Variants in ZNF831 observed in about 807,000 individuals in gnomAD.
ZNF831 encodes the protein zinc finger protein 831.
Under a neutral mutation model 95.8 loss-of-function variants are expected in ZNF831, and 59 were observed. The ratio of observed to expected loss-of-function variants is 0.62; its 90% confidence interval spans 0.50 to 0.77. The LOEUF is 0.77. ZNF831 is among the 30% of genes least tolerant of loss of function. ZNF831 has a pLI of 0.00. For synonymous variants in ZNF831, 961 were observed against 925.5 expected (o/e 1.04, Z -0.70); for missense variants, 2,205 against 2,164.0 (o/e 1.02, Z -0.38).
At chr20:59,187,656 A>G (rs1397511418) in intron 1 of ZNF831, among the ~76,000 whole-genome samples, 1 of 152,246 alleles carries the variant, frequency 6.6e-6, no homozygotes, top group Non-Finnish European at 1.5e-5. Context: ...TTCACATAAC[A>G]TTAAATTCAC....
chr20:59,153,140 C>A lies in ZNF831; in HGVS notation c.-1280-6512C>A, dbSNP rs548998739. Among the ~76,000 whole-genome samples, 9 of 152,348 alleles carry A rather than the reference C, an allele frequency of 5.9e-5. 1 individual carries two copies. The Middle Eastern group carries it at 0.014, about 230-fold the overall frequency. ...ACAGACTCAACAACTCACTCTTTCC[C>A]ACCTGAGCAGTGTCTCATACAGTCC... is the stretch of plus-strand genomic sequence containing the variant. On this transcript the variant is annotated intron_variant, in intron 2 of 7. Coordinates refer to the ZNF831 transcript ENST00000637017.
chr20:59,187,481 C>A (rs1481424661), intron 1 of ZNF831, among the ~76,000 whole-genome samples: 1 of 152,148 alleles, frequency 6.6e-6, no homozygotes, highest in African/African-American at 2.4e-5. Flanking sequence ...AACTTCCCGT[C>A]TCCAGAGCTG....
At chr20:59,225,660 C>T (rs1416505179) in intron 4 of ZNF831, among the ~76,000 whole-genome samples, 2 of 152,234 alleles carry the variant, frequency 1.3e-5, no homozygotes, top group East Asian at 3.9e-4. Context: ...TTAAGTCTGT[C>T]ATTAGATGAC....
At position 59,258,064 on chromosome 20, in the gene ZNF831, G is replaced by T. The variant is rs1988262564; in HGVS notation, c.*3321G>T. 6.6e-6 allele frequency: 1 copy of T among 152,102 alleles called. No homozygotes were observed. Among genetic ancestry groups the T allele is most frequent in the African/African-American group, 2.4e-5 (1 of 41,390 alleles). 9.4% of individuals were successfully genotyped at this position (152,102 alleles called of 1,614,324 possible). A position where few individuals can be genotyped will look rare whatever the true frequency, so the allele number is the denominator to read the frequency against. ...TTCTTGTAAAACACATTGAAAAACA[G>T]CTCATCTCTCCTGTTAGGCTTAACC... is the stretch of plus-strand genomic sequence containing the variant. On this transcript the variant is annotated 3_prime_UTR_variant, in exon 6 of 6. Transcript: ENST00000371030.
At chr20:59,226,533 G>A (rs377745039) in intron 4 of ZNF831, among the ~76,000 whole-genome samples, 50 of 151,676 alleles carry the variant, frequency 3.3e-4, no homozygotes, top group African/African-American at 8.2e-4. Context: ...GCTCTTTCTC[G>A]TTCATGCCCG....
rs543860497 is a variant in ZNF831, at chr20:59,254,470, G to A, written c.4761G>A (p.Lys1587=). The A allele has an allele frequency of 5.7e-4, 921 of 1,614,222 alleles. 13 individuals carry two copies. In the South Asian group the frequency reaches 9.5e-3, roughly 17 times the overall value. Residue 1587 remains lysine, a synonymous_variant, in exon 6 of 6, where the codon AAG becomes AAA. Coordinates refer to ENST00000371030, the MANE Select transcript of ZNF831 (RefSeq NM_178457.3). The surrounding 1 kb of genome is among the most constrained non-coding windows in gnomAD (Gnocchi z 4.5). ...CACACCACAAGGAAGGGAGACACAA[G>A]ACGTTTTTTCCTTCCAGAGGCCAGT... ...ASSHHKEGRH[K]TFFPSRGQYG...
At chr20:59,221,771 G>A (rs1445286140) in intron 4 of ZNF831, among the ~76,000 whole-genome samples, 1 of 152,108 alleles carries the variant, frequency 6.6e-6, no homozygotes, top group Non-Finnish European at 1.5e-5. Context: ...AGTGATTTTT[G>A]TACCACCCTC....
rs1453213451 is a variant in ZNF831, at chr20:59,208,368, C to T, written c.4027+1312C>T. On this transcript the variant is annotated intron_variant, in intron 4 of 5. Coordinates refer to ENST00000371030, the MANE Select transcript of ZNF831 (RefSeq NM_178457.3). This position sits in a 1 kb window ranked among gnomAD's most constrained non-coding sequence, Gnocchi z 4.2. ...ACCACCAGGACAAGAGGATGTCTCCCCCATGCAAAGGCCAGGGGACCATGC... is the reference window on the plus strand; with the variant it reads ...ACCACCAGGACAAGAGGATGTCTCCTCCATGCAAAGGCCAGGGGACCATGC... Among the ~76,000 whole-genome samples, 5 of 152,264 alleles carry T rather than the reference C, an allele frequency of 3.3e-5. No individual in the cohort carries two copies. Among genetic ancestry groups the T allele is most frequent in the African/African-American group, 4.8e-5 (2 of 41,564 alleles).
upstream of ZNF831, chr20:59,159,528 G>C (rs184383675): frequency 1.3e-5 from 2 of 152,272 alleles, no homozygotes; most frequent in Admixed American, 1.3e-4. Context: ...GACACTCCAG[G>C]GGGAGGTACT....
chr20:59,175,232 G>A (rs777290149), intron 1 of ZNF831, among the ~76,000 whole-genome samples: 1 of 150,266 alleles, frequency 6.7e-6, no homozygotes, highest in Non-Finnish European at 1.5e-5. Flanking sequence ...TGGTGGTGGG[G>A]GTGGGGGTGG....
At chr20:59,183,339 C>G (rs1044837804) in intron 1 of ZNF831, among the ~76,000 whole-genome samples, 3 of 152,168 alleles carry the variant, frequency 2.0e-5, no homozygotes, top group African/African-American at 7.2e-5. Context: ...GTTGCTGCAG[C>G]CTTGCAGGTA....
chr20:59,254,123 C>T lies in ZNF831; in HGVS notation c.4414C>T (p.Pro1472Ser), dbSNP rs1382326466. ...ATACATCTTCTCAGATGCTCAAAGGCCTTCTTCCTTTGGGTCCAAAGGAAC... is the reference window on the plus strand; with the variant it reads ...ATACATCTTCTCAGATGCTCAAAGGTCTTCTTCCTTTGGGTCCAAAGGAAC... ...KPYIFSDAQRPSSFGSKGTFP... is the reference protein window; with the variant it reads ...KPYIFSDAQRSSSFGSKGTFP... The change falls in exon 6 of 6, where the codon CCT becomes TCT. Residue 1472 changes from proline to serine, a missense_variant. Pro to Ser is a moderately conservative substitution (Grantham distance 74). Transcript: ENST00000371030. The surrounding 1 kb of genome is among the most constrained non-coding windows in gnomAD (Gnocchi z 4.5). 1 of 1,614,016 alleles carries T rather than the reference C, an allele frequency of 6.2e-7. No individual in the cohort carries two copies. The highest frequency in any genetic ancestry group is 8.5e-7 in the Non-Finnish European group (1 of 1,180,042).
At chr20:59,124,756 G>A (rs1979115021) in intron 1 of ZNF831, among the ~76,000 whole-genome samples, 1 of 152,230 alleles carries the variant, frequency 6.6e-6, no homozygotes, top group African/African-American at 2.4e-5. Flanking sequence ...GCCCCTTCGA[G>A]AGGCTCAGTG....
chr20:59,180,955 C>T (rs1982572370), intron 1 of ZNF831, among the ~76,000 whole-genome samples: 2 of 152,220 alleles, frequency 1.3e-5, no homozygotes, highest in Admixed American at 1.3e-4. Flanking sequence ...GCCACATTGT[C>T]TTCCACAATG....
chr20:59,179,986 A>G lies in ZNF831; in HGVS notation c.-36-10998A>G, dbSNP rs146751840. Among the ~76,000 whole-genome samples the G allele has an allele frequency of 5.9e-3, 894 of 152,310 alleles. 2 individuals carry two copies. The highest frequency in any genetic ancestry group is 0.034 in the Middle Eastern group (10 of 294). On this transcript the variant is annotated intron_variant, in intron 1 of 5. Transcript: ENST00000371030. ...TCTTCTCTACAGGAGAGTTGTGGGC[A>G]CAGGTCCTCCCTCCTTGGAGCGTGA...
intron 3 of ZNF831, among the ~76,000 whole-genome samples, chr20:59,201,359 T>A (rs1984521307): frequency 6.6e-6 from 1 of 152,210 alleles, no homozygotes; most frequent in Non-Finnish European, 1.5e-5. Context: ...AGAATTTTTT[T>A]AATATACTCT....
chr20:59,219,208 A>G (rs1215122401), intron 4 of ZNF831, among the ~76,000 whole-genome samples: 1 of 152,058 alleles, frequency 6.6e-6, no homozygotes, highest in Non-Finnish European at 1.5e-5. Flanking sequence ...ATGAGAGGAG[A>G]GGAACAGAAG....
At chr20:59,148,924 T>C (rs1980056665) in intron 2 of ZNF831, among the ~76,000 whole-genome samples, 2 of 152,092 alleles carry the variant, frequency 1.3e-5, no homozygotes, top group South Asian at 2.1e-4. Context: ...CCCCAGAGCA[T>C]CTTGTGCCTT....
Position 59,226,218 on chromosome 20 carries a change from G to A in ZNF831, c.4027+19162G>A, listed in dbSNP as rs114590233. Among the ~76,000 whole-genome samples, 327 of 152,290 alleles carry A rather than the reference G, an allele frequency of 2.1e-3. 1 individual carries two copies. Among genetic ancestry groups the A allele is most frequent in the African/African-American group, 7.5e-3 (310 of 41,552 alleles). On this transcript the variant is annotated intron_variant, in intron 4 of 5. Coordinates refer to ENST00000371030, the MANE Select transcript of ZNF831 (RefSeq NM_178457.3). The stretch of plus-strand genomic sequence containing the variant: ...CTAAAGGAGAACTGAGGTGGGGCAT[G>A]GCTGCTGAACACACAGCACAGATGT...
Sources: gnomAD v4.1 joint callset for allele counts (sites outside exome capture counted in the v4.1 genomes callset) on GRCh38, gnomAD v4.1.1 for gene constraint, Gnocchi (gnomAD v3.1) non-coding constraint, MANE v1.5 for transcripts, NCBI Gene and HGNC (gene_info 2026-07-23, HGNC 2026-07-21) for gene names.